POFUT3: variants seen among roughly 807,000 people sequenced by gnomAD.
The protein encoded by POFUT3 is protein O-fucosyltransferase 3.
chr8:33,346,905 T>A, the POFUT3 span, among the ~76,000 whole-genome samples: 1 of 152,078 alleles, frequency 6.6e-6, no homozygotes, highest in African/African-American at 2.4e-5. Context: ...CATCATGAGG[T>A]AGATTAGTCA....
chr8:33,451,452 GTA>G, the POFUT3 span, among the ~76,000 whole-genome samples: 4 of 151,858 alleles, frequency 2.6e-5, no homozygotes, highest in South Asian at 2.1e-4. Context: ...ATGTGCATGT[GTA>G]TATGTGTATG....
At chr8:33,330,182 A>G in the POFUT3 span, among the ~76,000 whole-genome samples, 1 of 152,164 alleles carries the variant, frequency 6.6e-6, no homozygotes, top group African/African-American at 2.4e-5. Context: ...GCAGTGGCTC[A>G]CGCTTATAAT....
At chr8:33,454,613 G>A in the POFUT3 span, among the ~76,000 whole-genome samples, 2 of 151,552 alleles carry the variant, frequency 1.3e-5, no homozygotes, top group Admixed American at 6.6e-5. Flanking sequence ...TAAACACTTA[G>A]AACAAATACA....
At chr8:33,459,297 G>A in the POFUT3 span, among the ~76,000 whole-genome samples, 4 of 151,952 alleles carry the variant, frequency 2.6e-5, no homozygotes, top group South Asian at 2.1e-4. Context: ...CCGAAATCAC[G>A]CCATTGCACT....
At chr8:33,429,995 C>CA in the POFUT3 span, among the ~76,000 whole-genome samples, 320 of 124,742 alleles carry the variant, frequency 2.6e-3, 3 homozygotes, top group Admixed American at 4.8e-3. Context: ...GACTCCATCT[C>CA]AAAAAAAAAA....
chr8:33,414,437 A>G, the POFUT3 span, among the ~76,000 whole-genome samples: 47 of 152,268 alleles, frequency 3.1e-4, no homozygotes, highest in Non-Finnish European at 6.0e-4. Flanking sequence ...TCTCTGCCCT[A>G]TGAAGAGAGT....
chr8:33,312,619 A>C, the POFUT3 span, among the ~76,000 whole-genome samples: 3 of 152,140 alleles, frequency 2.0e-5, no homozygotes, highest in Non-Finnish European at 4.4e-5. Context: ...AAGGAAGCTC[A>C]TAATAGTCTA....
At chr8:33,308,998 G>A in the POFUT3 span, among the ~76,000 whole-genome samples, 7 of 149,472 alleles carry the variant, frequency 4.7e-5, no homozygotes, top group Admixed American at 4.7e-4. Flanking sequence ...GGTGGGTGTA[G>A]CGTCTGACTC....
chr8:33,469,444 A>T, the POFUT3 span, among the ~76,000 whole-genome samples: 1 of 152,218 alleles, frequency 6.6e-6, no homozygotes, highest in Non-Finnish European at 1.5e-5. Context: ...TATGTGGGAA[A>T]GTCATCCTCT....
At chr8:33,428,705 C>T in the POFUT3 span, among the ~76,000 whole-genome samples, 505 of 152,286 alleles carry the variant, frequency 3.3e-3, no homozygotes, top group African/African-American at 0.012. Flanking sequence ...ATCATTAGGG[C>T]TCCACCCTCT....
the POFUT3 span, among the ~76,000 whole-genome samples, chr8:33,429,872 T>A: frequency 6.6e-6 from 1 of 151,862 alleles, no homozygotes; most frequent in South Asian, 2.1e-4. Flanking sequence ...GGTGGGCACC[T>A]GTAGTCCCAG....
chr8:33,339,296 G>T, the POFUT3 span, among the ~76,000 whole-genome samples: 1 of 152,138 alleles, frequency 6.6e-6, no homozygotes, highest in Non-Finnish European at 1.5e-5. Context: ...AGTATAAAAA[G>T]CTCATTGAGT....
the POFUT3 span, among the ~76,000 whole-genome samples, chr8:33,406,599 T>C: frequency 1.3e-5 from 2 of 151,898 alleles, no homozygotes; most frequent in African/African-American, 4.8e-5. Flanking sequence ...GCCTGGCTAA[T>C]TTTTAATTTT....
the POFUT3 span, among the ~76,000 whole-genome samples, chr8:33,399,751 T>C: frequency 1.3e-4 from 20 of 152,148 alleles, no homozygotes; most frequent in Non-Finnish European, 2.9e-4. Flanking sequence ...CCTACTGGGT[T>C]CAAGCACTCC....
chr8:33,470,987 G>A, the POFUT3 span, among the ~76,000 whole-genome samples: 3 of 151,852 alleles, frequency 2.0e-5, no homozygotes, highest in South Asian at 6.2e-4. Context: ...AACAGGTTTA[G>A]GATTACTTTA....
chr8:33,404,348 A>G, the POFUT3 span, among the ~76,000 whole-genome samples: 2 of 150,482 alleles, frequency 1.3e-5, no homozygotes, highest in East Asian at 3.9e-4. Context: ...AAAAAAAAAA[A>G]AAAAGAAAAA....
At chr8:33,326,629 T>C in the POFUT3 span, among the ~76,000 whole-genome samples, 1 of 152,134 alleles carries the variant, frequency 6.6e-6, no homozygotes, top group African/African-American at 2.4e-5. Context: ...AGGAGTGAAA[T>C]GCCAACCTCC....
the POFUT3 span, among the ~76,000 whole-genome samples, chr8:33,319,747 T>G: frequency 3.2e-5 from 2 of 62,244 alleles, 1 homozygote; most frequent in Non-Finnish European, 5.2e-5. Context: ...TATATATATT[T>G]ATATATATAT....
the POFUT3 span, chr8:33,461,786 G>T: frequency 3.3e-6 from 2 of 599,824 alleles, no homozygotes; most frequent in Non-Finnish European, 5.1e-6. Context: ...TCTTGCAGCA[G>T]GGTGATCATG....
Sources: gnomAD v4.1 joint callset for allele counts (sites outside exome capture counted in the v4.1 genomes callset) on GRCh38, gnomAD v4.1.1 for gene constraint, MANE v1.5 for transcripts, NCBI Gene and HGNC (gene_info 2026-07-23, HGNC 2026-07-21) for gene names.